Variants in HS6ST3 observed in about 807,000 individuals in gnomAD.
HS6ST3 encodes the protein heparan sulfate 6-O-sulfotransferase 3.
HS6ST3 carries 12 observed loss-of-function variants against 36.7 expected under a neutral mutation model. The ratio of observed to expected loss-of-function variants is 0.33; its 90% CI spans 0.21 to 0.53. HS6ST3 has a LOEUF of 0.53. HS6ST3 is among the 20% of genes least tolerant of loss of function. The probability of loss-of-function intolerance (pLI) is 0.95; values close to 1 mark genes in which losing one functional copy is unlikely to be tolerated. For missense variants in HS6ST3, 584 were observed against 640.9 expected (o/e 0.91, Z 0.96); for synonymous variants, 240 against 257.5 (o/e 0.93, Z 0.65).
chr13:96,826,109 A>G (rs1878641049), intron 1 of HS6ST3, among the ~76,000 whole-genome samples: 1 of 152,248 alleles, frequency 6.6e-6, no homozygotes, highest in Admixed American at 6.5e-5. Flanking sequence ...GAAGAAAACC[A>G]GTAAGTTTAA....
chr13:96,472,594 T>C (rs112759010), intron 1 of HS6ST3, among the ~76,000 whole-genome samples: 1,807 of 152,300 alleles, frequency 0.012, 34 homozygotes, highest in African/African-American at 0.04. Context: ...ACTTATTATT[T>C]TGTGCTCTGT....
At chr13:96,525,460 G>A (rs1022699584) in intron 1 of HS6ST3, among the ~76,000 whole-genome samples, 1 of 152,122 alleles carries the variant, frequency 6.6e-6, no homozygotes, top group Non-Finnish European at 1.5e-5. Context: ...AAGATTGGCT[G>A]TTACCTCTAC....
intron 1 of HS6ST3, chr13:96,427,238 T>C (rs1294460874): frequency 6.5e-6 from 1 of 154,400 alleles, no homozygotes; most frequent in African/African-American, 2.4e-5. Flanking sequence ...TTATGTGACC[T>C]CGGATGAATC....
In HS6ST3 at chr13:96,317,350, ATATATATATATATATAT is replaced by A. The variant is rs1329664362; in HGVS notation, c.707+225782_707+225798del. On this transcript the variant is annotated intron_variant, in intron 1 of 1. Coordinates refer to ENST00000376705, the MANE Select transcript of HS6ST3 (RefSeq NM_153456.4). ...ATTATATATATATATATATATATAT[ATATATATATATATATAT>A]AAAATTATATATATATATATATATA... 1.1e-3 allele frequency among the ~76,000 whole-genome samples: 92 copies of A among 83,570 alleles called. 1 individual carries two copies. In the East Asian group the frequency reaches 0.025, roughly 23 times the overall value. The allele number at this position is 83,570 out of a possible 152,430, so 54.8% of individuals were successfully genotyped here. A position where few individuals can be genotyped will look rare whatever the true frequency, so the allele number is the denominator to read the frequency against.
intron 1 of HS6ST3, among the ~76,000 whole-genome samples, chr13:96,116,260 C>T (rs1361238735): frequency 1.3e-5 from 2 of 152,176 alleles, no homozygotes; most frequent in Non-Finnish European, 2.9e-5. Context: ...TGAATTGCTA[C>T]TCATAGGCCT....
At chr13:96,403,169 G>A (rs1177066714) in intron 1 of HS6ST3, among the ~76,000 whole-genome samples, 1 of 151,826 alleles carries the variant, frequency 6.6e-6, no homozygotes, top group African/African-American at 2.4e-5. Flanking sequence ...GTGCTTATTG[G>A]CCCTGCAAAC....
chr13:96,437,593 T>TATGGGGTAAAAACAAGGG, intron 1 of HS6ST3, among the ~76,000 whole-genome samples: 1 of 152,228 alleles, frequency 6.6e-6, no homozygotes, highest in Non-Finnish European at 1.5e-5. Context: ...TTCATGATGA[T>TATGGGGTAAAAACAAGGG]ATGGGGTAAA....
At chr13:96,664,845 T>C (rs2056658259) in intron 1 of HS6ST3, among the ~76,000 whole-genome samples, 2 of 152,114 alleles carry the variant, frequency 1.3e-5, no homozygotes, top group South Asian at 4.1e-4. Flanking sequence ...TTTGTCTATT[T>C]CTTCTTTTTC....
At chr13:96,270,194 T>C (rs2054713149) in intron 1 of HS6ST3, among the ~76,000 whole-genome samples, 1 of 151,794 alleles carries the variant, frequency 6.6e-6, no homozygotes, top group African/African-American at 2.4e-5. Flanking sequence ...AAAGAGGTCA[T>C]GTGAGCACAC....
chr13:96,401,263 T>C (rs1464268927), intron 1 of HS6ST3, among the ~76,000 whole-genome samples: 2 of 152,180 alleles, frequency 1.3e-5, no homozygotes, highest in African/African-American at 2.4e-5. Flanking sequence ...CTCTGACTCA[T>C]AGGGGACATT....
At chr13:96,670,295 A>G (rs2056678695) in intron 1 of HS6ST3, among the ~76,000 whole-genome samples, 1 of 152,110 alleles carries the variant, frequency 6.6e-6, no homozygotes, top group South Asian at 2.1e-4. Context: ...CATTTTTAGT[A>G]GGTAATAGGG....
At chr13:96,449,933 G>A (rs536565787) in intron 1 of HS6ST3, among the ~76,000 whole-genome samples, 1 of 152,278 alleles carries the variant, frequency 6.6e-6, no homozygotes, top group Non-Finnish European at 1.5e-5. Flanking sequence ...ACGTTATATT[G>A]CTTACTAAAA....
At chr13:96,238,267 C>T (rs1325512230) in intron 1 of HS6ST3, among the ~76,000 whole-genome samples, 1 of 152,192 alleles carries the variant, frequency 6.6e-6, no homozygotes, top group African/African-American at 2.4e-5. Context: ...TGTCATAGTA[C>T]AGGCCCATGT....
chr13:96,362,449 C>T (rs2055243071), intron 1 of HS6ST3, among the ~76,000 whole-genome samples: 1 of 152,114 alleles, frequency 6.6e-6, no homozygotes, highest in Non-Finnish European at 1.5e-5. Context: ...CACGTACAAT[C>T]TTATCTCTGT....
chr13:96,678,430 T>G (rs1009911262), intron 1 of HS6ST3, among the ~76,000 whole-genome samples: 2 of 152,078 alleles, frequency 1.3e-5, no homozygotes, highest in Non-Finnish European at 2.9e-5. Context: ...ATCTCAGCAC[T>G]TTGGGAGGCC....
chr13:96,614,530 A>G (rs1482274812), intron 1 of HS6ST3, among the ~76,000 whole-genome samples: 1 of 152,028 alleles, frequency 6.6e-6, no homozygotes, highest in Non-Finnish European at 1.5e-5. Context: ...TTCCAGACGA[A>G]GGAAAAAGCA....
intron 1 of HS6ST3, among the ~76,000 whole-genome samples, chr13:96,379,805 G>T (rs948420114): frequency 6.6e-6 from 1 of 152,106 alleles, no homozygotes; most frequent in Non-Finnish European, 1.5e-5. Flanking sequence ...TGAGAACTGG[G>T]TTAAAAATTG....
rs1439454258 is a variant in HS6ST3, at chr13:96,800,000, A to ATATATATATATG, written c.708-32479_708-32478insGTATATATATAT. On this transcript the variant is annotated intron_variant, in intron 1 of 1. Coordinates refer to ENST00000376705, the MANE Select transcript of HS6ST3 (RefSeq NM_153456.4). ...TATATATGTATATATATATATATGTATATATATATATATGTATATATATAT... is the reference window on the plus strand; with the variant it reads ...TATATATGTATATATATATATATGTATATATATATATGTATATATATATATGTATATATATAT... 8.6e-4 allele frequency among the ~76,000 whole-genome samples: 77 copies of ATATATATATATG among 89,322 alleles called. 1 individual carries two copies. The highest frequency in any genetic ancestry group is 2.7e-3 in the East Asian group (8 of 2,998). 58.6% of individuals were successfully genotyped at this position (89,322 alleles called of 152,430 possible).
intron 1 of HS6ST3, 119 bp from the exon 2 acceptor site, chr13:96,832,369 ACT>A: frequency 1.5e-6 from 1 of 680,498 alleles, no homozygotes; most frequent in Non-Finnish European, 2.4e-6. Context: ...GCAGGCGAAT[ACT>A]CTCACATGAA....
Sources: gnomAD v4.1 joint callset for allele counts (sites outside exome capture counted in the v4.1 genomes callset) on GRCh38, gnomAD v4.1.1 for gene constraint, MANE v1.5 for transcripts, NCBI Gene and HGNC (gene_info 2026-07-23, HGNC 2026-07-21) for gene names.